Variants in TEX11 observed in about 807,000 individuals in gnomAD.
The protein encoded by TEX11 is testis expressed 11.
Under a neutral mutation model 84.4 loss-of-function variants are expected in TEX11, and 7 were observed. The ratio of observed to expected loss-of-function variants is 0.08; its 90% CI spans 0.05 to 0.16. The LOEUF (loss-of-function observed/expected upper bound fraction) is 0.16, where lower values mean the gene tolerates loss of function less well. Ranked by LOEUF, TEX11 falls within the 10% of genes least tolerant of loss-of-function variation. The probability of loss-of-function intolerance (pLI) is 1.00; values close to 1 mark genes in which losing one functional copy is unlikely to be tolerated. For missense variants in TEX11, 551 were observed against 660.5 expected, an observed-to-expected ratio of 0.83 and a Z score of 1.82; for synonymous variants, 264 against 222.8, an observed-to-expected ratio of 1.18 and a Z score of -1.64.
intron 4 of TEX11, among the ~76,000 whole-genome samples, chrX:70,861,448 G>GATTT (rs67849004): frequency 0.084 from 8,799 of 105,206 alleles, 378 homozygotes; most frequent in East Asian, 0.23. Context: ...TTCAGTAAGA[G>GATTT]ATTTATTTAT....
At chrX:70,723,820 G>A (rs1238427464) in intron 12 of TEX11, among the ~76,000 whole-genome samples, 2 of 111,863 alleles carry the variant, frequency 1.8e-5, no homozygotes, top group Non-Finnish European at 3.8e-5. Flanking sequence ...AATGCCAGCA[G>A]TTAGGCTGAC....
chrX:70,699,648 G>A (rs2090309645), intron 13 of TEX11, among the ~76,000 whole-genome samples: 1 of 111,665 alleles, frequency 9.0e-6, no homozygotes, highest in Non-Finnish European at 1.9e-5. Flanking sequence ...AATGAACAAA[G>A]TGACCCATGA....
chrX:70,828,357 T>C (rs1489668030), intron 8 of TEX11, among the ~76,000 whole-genome samples: 1 of 110,295 alleles, frequency 9.1e-6, no homozygotes, highest in Non-Finnish European at 1.9e-5. Context: ...AAAGAAGGAA[T>C]TCAGAATTCT....
At chrX:70,703,855 C>A (rs771203544) in intron 13 of TEX11, among the ~76,000 whole-genome samples, 6 of 112,013 alleles carry the variant, frequency 5.4e-5, no homozygotes, top group Non-Finnish European at 9.4e-5. Context: ...TACTTACTAG[C>A]TCTGTGACCT....
chrX:70,521,279 C>A, the TEX11 span, among the ~76,000 whole-genome samples: 3 of 104,480 alleles, frequency 2.9e-5, no homozygotes, highest in Admixed American at 3.1e-4. Context: ...TGGAATGGGC[C>A]TTTTTTTTTT....
chrX:70,585,448 G>A (rs780731871), intron 25 of TEX11, among the ~76,000 whole-genome samples: 7 of 111,667 alleles, frequency 6.3e-5, no homozygotes, highest in Admixed American at 3.8e-4. Flanking sequence ...CTTATATCAC[G>A]CTAAGCGATC....
chrX:70,716,673 C>A (rs184459075), intron 13 of TEX11, among the ~76,000 whole-genome samples: 245 of 112,142 alleles, frequency 2.2e-3, no homozygotes, highest in Non-Finnish European at 6.0e-4. Flanking sequence ...ACCAAATTTT[C>A]CAGGTGCCAT....
intron 25 of TEX11, among the ~76,000 whole-genome samples, chrX:70,575,910 C>T (rs1453911754): frequency 2.7e-5 from 3 of 111,520 alleles, no homozygotes; most frequent in Non-Finnish European, 5.7e-5. Context: ...CTCTGTGGTC[C>T]CATATATTCT....
chrX:70,836,406 C>T (rs995199710), intron 7 of TEX11, among the ~76,000 whole-genome samples: 2 of 111,507 alleles, frequency 1.8e-5, no homozygotes, highest in Non-Finnish European at 3.8e-5. Context: ...AGACAATATT[C>T]GCGAATATTT....
rs755887415 is a variant in TEX11, at chrX:70,904,478, A to G, written c.37+3275T>C. ...AAATTATTCCAAAGTAAAATGGTAA[A>G]TAAAAATGACAACAGTCTTCAAAAT... On this transcript the variant is annotated intron_variant, in intron 2 of 29. Coordinates refer to ENST00000374333, the MANE Select transcript of TEX11 (RefSeq NM_031276.3). 4.4e-5 allele frequency among the ~76,000 whole-genome samples: 5 copies of G among 112,595 alleles called. No individual in the cohort carries two copies. In the South Asian group the frequency reaches 1.8e-3, roughly 41 times the overall value.
At chrX:70,779,050 T>G (rs1287747863) in intron 9 of TEX11, among the ~76,000 whole-genome samples, 2 of 110,836 alleles carry the variant, frequency 1.8e-5, no homozygotes, top group Admixed American at 9.7e-5. Flanking sequence ...TATATATGTA[T>G]GTACACATTT....
At chrX:70,754,341 A>T (rs776718835) in intron 9 of TEX11, among the ~76,000 whole-genome samples, 1 of 111,603 alleles carries the variant, frequency 9.0e-6, no homozygotes, top group East Asian at 2.8e-4. Context: ...CAGTTGCCAC[A>T]AGGTGAGGTT....
chrX:70,565,873 A>G (rs1407363139), intron 25 of TEX11, among the ~76,000 whole-genome samples: 1 of 111,211 alleles, frequency 9.0e-6, no homozygotes, highest in Non-Finnish European at 1.9e-5. Flanking sequence ...CTTAGGATTG[A>G]CTTGGAGATG....
chrX:70,710,279 T>C (rs2090416092), intron 13 of TEX11, among the ~76,000 whole-genome samples: 1 of 111,671 alleles, frequency 9.0e-6, no homozygotes, highest in Admixed American at 9.5e-5. Flanking sequence ...TTAGATGTGA[T>C]CTTTTTTGTT....
chrX:70,730,208 C>T (rs1184720103), intron 11 of TEX11, among the ~76,000 whole-genome samples: 1 of 111,711 alleles, frequency 9.0e-6, no homozygotes, highest in Non-Finnish European at 1.9e-5. Flanking sequence ...AAAAACATGC[C>T]AAATTGTAAA....
At chrX:70,724,185 G>A in intron 12 of TEX11, 2 of 753,192 alleles carry the variant, frequency 2.7e-6, no homozygotes, top group Non-Finnish European at 3.1e-6. Flanking sequence ...TGGAGTAAGT[G>A]TATTATTTTA....
At chrX:70,535,138 G>A (rs918694101) in intron 28 of TEX11, among the ~76,000 whole-genome samples, 1 of 112,296 alleles carries the variant, frequency 8.9e-6, no homozygotes, top group African/African-American at 3.2e-5. Flanking sequence ...GTTATAGCAC[G>A]TGTTAGTACT....
intron 28 of TEX11, among the ~76,000 whole-genome samples, chrX:70,533,010 C>A: frequency 9.0e-6 from 1 of 110,941 alleles, no homozygotes. Context: ...TGCACTCCAG[C>A]CTGGGCGACA....
At chrX:70,548,566 G>A (rs973715988) in intron 28 of TEX11, among the ~76,000 whole-genome samples, 6 of 111,400 alleles carry the variant, frequency 5.4e-5, no homozygotes, top group African/African-American at 1.6e-4. Flanking sequence ...TGCCCCAACA[G>A]TGGCTGCATG....
Sources: allele counts gnomAD v4.1 joint callset (sites outside exome capture counted in the v4.1 genomes callset), GRCh38; gene constraint gnomAD v4.1.1; transcripts MANE v1.5; gene names NCBI Gene and HGNC (gene_info 2026-07-23, HGNC 2026-07-21).